CCDC88C: variants seen among roughly 807,000 people sequenced by gnomAD.
The protein encoded by CCDC88C is protein Daple.
In CCDC88C, 131 loss-of-function variants were observed where a neutral mutation model predicts 198.8. The ratio of observed to expected loss-of-function variants is 0.66; its 90% confidence interval spans 0.57 to 0.76. CCDC88C has a LOEUF of 0.76. Ranked by LOEUF, CCDC88C falls within the 30% of genes least tolerant of loss-of-function variation. The pLI, the probability that CCDC88C is intolerant of heterozygous loss-of-function variation, is 0.00. For synonymous variants in CCDC88C, 1,166 were observed against 1,114.7 expected, an observed-to-expected ratio of 1.05 and a Z score of -0.92; for missense variants, 2,553 against 2,631.6, an observed-to-expected ratio of 0.97 and a Z score of 0.65.
At chr14:91,391,694 G>A (rs7150653) in intron 3 of CCDC88C, among the ~76,000 whole-genome samples, 45,475 of 151,872 alleles carry the variant, frequency 0.3, 7,159 homozygotes, top group East Asian at 0.37. Context: ...CAGGAGAATC[G>A]CTTGATCCCA....
intron 3 of CCDC88C, among the ~76,000 whole-genome samples, chr14:91,407,149 C>A (rs1886539486): frequency 1.3e-5 from 2 of 152,170 alleles, no homozygotes; most frequent in Non-Finnish European, 2.9e-5. Context: ...ATTGTCCACT[C>A]CCTCCCTCTC....
intron 4 of CCDC88C, among the ~76,000 whole-genome samples, chr14:91,351,089 T>C (rs28505679): frequency 0.021 from 3,258 of 152,210 alleles, 115 homozygotes; most frequent in African/African-American, 0.074. Context: ...GCTGACTGAG[T>C]GAGGTTAACT....
rs75521653 is a variant in CCDC88C at position 91,296,915 on chromosome 14, C to T, written c.3966+390G>A. ...AAGCCAGGGACTCCCGAGTGAGCTC[C>T]GTCCCAGAGGCAGCCACACCCCAAA... On this transcript the variant is annotated intron_variant, in intron 22 of 29. Coordinates refer to ENST00000389857, the MANE Select transcript of CCDC88C (RefSeq NM_001080414.4). Among the ~76,000 whole-genome samples, 291 of 152,264 alleles carry T rather than the reference C, an allele frequency of 1.9e-3. 2 individuals carry two copies. Among genetic ancestry groups the T allele is most frequent in the Non-Finnish European group, 2.6e-3 (175 of 68,012 alleles).
At chr14:91,297,873 C>T (rs1224102142) in intron 21 of CCDC88C, among the ~76,000 whole-genome samples, 3 of 152,164 alleles carry the variant, frequency 2.0e-5, no homozygotes, top group Non-Finnish European at 2.9e-5. Context: ...ATGTTTAAAC[C>T]ACTAAACTAG....
At position 91,369,155 on chromosome 14, in the gene CCDC88C, A is replaced by T. The variant is rs192863847; in HGVS notation, c.271-9444T>A. Among the ~76,000 whole-genome samples the T allele has an allele frequency of 4.1e-3, 627 of 152,296 alleles. 3 individuals carry two copies. Among genetic ancestry groups the T allele is most frequent in the South Asian group, 0.016 (77 of 4,824 alleles). ...ACCATCTTCATCACCTCATGCCCAA[A>T]GCCAGAGCACTTTCTACAGCACAGG... On this transcript the variant is annotated intron_variant, in intron 3 of 29. Transcript: ENST00000389857.
chr14:91,356,249 T>A (rs981035665), intron 4 of CCDC88C, among the ~76,000 whole-genome samples: 3 of 152,120 alleles, frequency 2.0e-5, no homozygotes, highest in African/African-American at 7.2e-5. Flanking sequence ...CCTCCTCTGC[T>A]CTCAGAGCAC....
At chr14:91,283,014 C>G (rs1663696428) in intron 26 of CCDC88C, among the ~76,000 whole-genome samples, 1 of 152,248 alleles carries the variant, frequency 6.6e-6, no homozygotes. Context: ...CTGGTTTTAG[C>G]CCAAACTCTG....
rs1891910013 is a variant in CCDC88C, at chr14:91,313,129, A to C, written c.2687T>G (p.Leu896Arg). The change falls in exon 15 of 30, where the codon CTC becomes CGC. Residue 896 changes from leucine (L) to arginine (R), a missense_variant. Leu to Arg is a moderately radical substitution (Grantham distance 102). Around this residue, in one of 2 missense-constraint regions of CCDC88C, gnomAD observed 1,260 missense variants for 1,412.0 expected, o/e 0.89. Transcript: ENST00000389857. This position sits in a 1 kb window ranked among gnomAD's most constrained non-coding sequence, Gnocchi z 5.2. ...LKELEKDNRD[L>R]TKQVTVHART... ...TGCATGCACGGTGACTTGCTTGGTG[A>C]GGTCCCGGTTGTCCTTCTCCAGCTC... The C allele has an allele frequency of 6.2e-7, 1 of 1,604,890 alleles. No homozygotes were observed. The highest frequency in any genetic ancestry group is 8.5e-7 in the Non-Finnish European group (1 of 1,173,526).
chr14:91,337,065 T>A (rs1893080640), intron 10 of CCDC88C, among the ~76,000 whole-genome samples: 1 of 152,178 alleles, frequency 6.6e-6, no homozygotes, highest in African/African-American at 2.4e-5. Flanking sequence ...CCAGCCCCCC[T>A]TGGAATAGGC....
In CCDC88C at chr14:91,338,344, G is replaced by A; in HGVS notation, c.891+145C>T. On this transcript the variant is annotated intron_variant, in intron 9 of 29. Transcript: ENST00000389857. The surrounding 1 kb of genome is among the most constrained non-coding windows in gnomAD (Gnocchi z 4.8). ...TCCACCTGCTGTCACTAAGAAACAG[G>A]GTCATCCCCATAGCCGTGCTCAGGA... 1.1e-6 allele frequency: 1 copy of A among 944,796 alleles called. No homozygotes were observed. The allele number at this position is 944,796 out of a possible 1,614,324, so 58.5% of individuals were successfully genotyped here.
rs1892547990 is a variant in CCDC88C, at chr14:91,325,522, A to T, written c.1197+388T>A. ...TAGCAGCAACAAACCCAGTAGCTAA[A>T]CTATCAGAGAAGGGCACGCCATAAA... On this transcript the variant is annotated intron_variant, in intron 11 of 29. Transcript: ENST00000389857. This position sits in a 1 kb window ranked among gnomAD's most constrained non-coding sequence, Gnocchi z 4.1. Among the ~76,000 whole-genome samples the T allele has an allele frequency of 6.6e-6, 1 of 152,180 alleles. No individual in the cohort carries two copies. Among genetic ancestry groups the T allele is most frequent in the African/African-American group, 2.4e-5 (1 of 41,448 alleles).
intron 13 of CCDC88C, among the ~76,000 whole-genome samples, chr14:91,317,130 T>G (rs982931828): frequency 6.6e-6 from 1 of 152,256 alleles, no homozygotes; most frequent in Non-Finnish European, 1.5e-5. Flanking sequence ...ACTCAAAGAA[T>G]GAACTCTTAT....
At chr14:91,382,091 TAC>T (rs1478949670) in intron 3 of CCDC88C, among the ~76,000 whole-genome samples, 4 of 152,178 alleles carry the variant, frequency 2.6e-5, no homozygotes, top group Non-Finnish European at 5.9e-5. Context: ...CGCCATTAAA[TAC>T]AGAGACAAGT....
intron 1 of CCDC88C, 28 bp from the exon 2 acceptor site, chr14:91,416,866 G>A (rs1253511899): frequency 6.6e-7 from 1 of 1,525,412 alleles, no homozygotes. Context: ...AGGAGAGAAA[G>A]ACAGGAAGTC....
At chr14:91,312,242 A>G (rs2139801669) in intron 15 of CCDC88C, among the ~76,000 whole-genome samples, 1 of 151,730 alleles carries the variant, frequency 6.6e-6, no homozygotes, top group East Asian at 1.9e-4. Flanking sequence ...TACAAAAATT[A>G]GCGAGGCGTG....
At chr14:91,308,907 A>G (rs111381593) in intron 16 of CCDC88C, among the ~76,000 whole-genome samples, 4 of 152,334 alleles carry the variant, frequency 2.6e-5, no homozygotes, top group African/African-American at 9.6e-5. Flanking sequence ...AAGTCCAGGA[A>G]AAGTCCAAGA....
intron 14 of CCDC88C, among the ~76,000 whole-genome samples, chr14:91,315,253 T>G (rs1057417318): frequency 2.0e-5 from 3 of 152,108 alleles, no homozygotes; most frequent in Admixed American, 1.3e-4. Flanking sequence ...GCCCGCCGTG[T>G]GAGGCAAATA....
At chr14:91,321,990 A>G (rs1047063574) in intron 12 of CCDC88C, among the ~76,000 whole-genome samples, 1 of 152,108 alleles carries the variant, frequency 6.6e-6, no homozygotes, top group Non-Finnish European at 1.5e-5. Context: ...TTGAGTCAGG[A>G]ATGGGAGTTC....
chr14:91,384,058 G>C (rs1884974960), intron 3 of CCDC88C, among the ~76,000 whole-genome samples: 1 of 152,096 alleles, frequency 6.6e-6, no homozygotes, highest in South Asian at 2.1e-4. Context: ...ACCACATCTG[G>C]GTACCAAGAG....
Sources: gnomAD v4.1 joint callset for allele counts (sites outside exome capture counted in the v4.1 genomes callset) on GRCh38, gnomAD v4.1.1 for gene constraint, gnomAD v4.1.1 regional missense constraint, Gnocchi (gnomAD v3.1) non-coding constraint, MANE v1.5 for transcripts, NCBI Gene and HGNC (gene_info 2026-07-23, HGNC 2026-07-21) for gene names.